The following WDR93 variants were observed in gnomAD, a reference collection of about 807,000 sequenced individuals.
WDR93 encodes WD repeat domain 93, also known as WD repeat-containing protein 93.
In WDR93, 73 loss-of-function variants were observed where a neutral mutation model predicts 82.9. The ratio of observed to expected loss-of-function variants is 0.88; its 90% confidence interval spans 0.73 to 1.07. WDR93 has a LOEUF of 1.07. WDR93 is among the 50% of genes least tolerant of loss of function. The pLI is 0.00. For synonymous variants in WDR93, 283 were observed against 300.1 expected, an observed-to-expected ratio of 0.94 and a Z score of 0.59; for missense variants, 738 against 826.0, an observed-to-expected ratio of 0.89 and a Z score of 1.31.
chr15:89,728,039 C>T (rs1254485699), intron 9 of WDR93, among the ~76,000 whole-genome samples: 1 of 151,980 alleles, frequency 6.6e-6, no homozygotes, highest in Non-Finnish European at 1.5e-5. Context: ...CGAGATCACG[C>T]CACTGCACTG....
At chr15:89,710,706 T>A (rs1965936925) in intron 4 of WDR93, among the ~76,000 whole-genome samples, 1 of 152,166 alleles carries the variant, frequency 6.6e-6, no homozygotes, top group Non-Finnish European at 1.5e-5. Flanking sequence ...GTACTGTTGG[T>A]GGATTAAAAC....
intron 1 of WDR93, among the ~76,000 whole-genome samples, chr15:89,697,427 G>T (rs1475390198): frequency 6.6e-6 from 1 of 152,062 alleles, no homozygotes; most frequent in African/African-American, 2.4e-5. Flanking sequence ...ATATTTTGAG[G>T]TCTTGTATAC....
chr15:89,731,291 A>G lies in WDR93; in HGVS notation c.1211-152A>G, dbSNP rs538669077. ...TCCTAGGCAAGGAGAATAGCACTTC[A>G]TAAAGAGAAGGATGATGGTGAGTCC... is the stretch of plus-strand genomic sequence containing the variant. On this transcript the variant is annotated intron_variant, in intron 11 of 16. Transcript: ENST00000268130. 39 of 1,105,318 alleles carry G rather than the reference A, an allele frequency of 3.5e-5. No homozygotes were observed. In the African/African-American group the frequency reaches 5.5e-4, roughly 15 times the overall value. 68.5% of individuals were successfully genotyped at this position (1,105,318 alleles called of 1,614,324 possible).
In WDR93 at chr15:89,737,671, G is replaced by A. The variant is rs1207747705; in HGVS notation, c.1707G>A (p.Glu569=). ...CCCCTCCGGGAGCCTTTCCTCTGGAGGTCCCCTGGAAGCCAGTGTTTGCTG... is the reference window on the plus strand; with the variant it reads ...CCCCTCCGGGAGCCTTTCCTCTGGAAGTCCCCTGGAAGCCAGTGTTTGCTG... The part of the protein sequence containing the change: ...AFAPPGAFPL[E]VPWKPVFAVS... The change falls in exon 15 of 17, where the codon GAG becomes GAA. Residue 569 remains glutamate (E), a synonymous_variant. Coordinates refer to ENST00000268130, the MANE Select transcript of WDR93 (RefSeq NM_020212.2). 8 of 1,614,096 alleles carry A rather than the reference G, an allele frequency of 5.0e-6. No individual in the cohort carries two copies. The highest frequency in any genetic ancestry group is 5.9e-6 in the Non-Finnish European group (7 of 1,180,048).
intron 16 of WDR93, among the ~76,000 whole-genome samples, chr15:89,739,034 T>C (rs1967438823): frequency 6.6e-6 from 1 of 151,460 alleles, no homozygotes; most frequent in East Asian, 1.9e-4. Flanking sequence ...GAGAATTGCT[T>C]GAACCTGGGA....
intron 1 of WDR93, among the ~76,000 whole-genome samples, chr15:89,696,666 T>C (rs1426703891): frequency 6.6e-6 from 1 of 152,010 alleles, no homozygotes. Context: ...AGCTAATTTT[T>C]GTATTTTTTG....
At chr15:89,740,253 C>A (rs1967550282) in intron 16 of WDR93, among the ~76,000 whole-genome samples, 1 of 152,200 alleles carries the variant, frequency 6.6e-6, no homozygotes, top group Non-Finnish European at 1.5e-5. Context: ...ACCATAGCTC[C>A]TCTCCGCTTC....
In WDR93 at chr15:89,731,490, C is replaced by T. The variant is rs1320982108; in HGVS notation, c.1258C>T (p.Leu420Phe). Residue 420 changes from leucine to phenylalanine, a missense_variant, in exon 12 of 17, where the codon CTC becomes TTC. By Grantham distance (22) the Leu-to-Phe change is conservative. Coordinates refer to ENST00000268130, the MANE Select transcript of WDR93 (RefSeq NM_020212.2). ...PCAAPIAVSQ[L>F]SCSSSYLVLA... ...TGCTGCGCCCATTGCAGTCTCTCAG[C>T]TCAGCTGCTCCTCCTCCTACCTGGT... 1 of 1,614,200 alleles carries T rather than the reference C, an allele frequency of 6.2e-7. No homozygotes were observed. The highest frequency in any genetic ancestry group is 2.2e-5 in the East Asian group (1 of 44,886).
rs1965442340 is a variant in WDR93, at chr15:89,701,147, A to G, written c.-40-560A>G. Among the ~76,000 whole-genome samples the G allele has an allele frequency of 2.0e-5, 3 of 152,242 alleles. No individual in the cohort carries two copies. The East Asian group carries it at 5.8e-4, about 29-fold the overall frequency. On this transcript the variant is annotated intron_variant, in intron 1 of 16. Coordinates refer to ENST00000268130, the MANE Select transcript of WDR93 (RefSeq NM_020212.2). ...CTTATTTTGGTCAATTCTTTTTTTA[A>G]TGTCTCAAACATTTCTGGAGGCTCT...
intron 16 of WDR93, among the ~76,000 whole-genome samples, chr15:89,742,173 C>T (rs78599324): frequency 5.3e-5 from 8 of 152,088 alleles, no homozygotes; most frequent in South Asian, 2.1e-4. Context: ...GATCACTTGA[C>T]GCCAGGAGTT....
At chr15:89,708,814 G>T (rs554159859) in intron 4 of WDR93, among the ~76,000 whole-genome samples, 1 of 152,206 alleles carries the variant, frequency 6.6e-6, no homozygotes, top group Non-Finnish European at 1.5e-5. Context: ...AATGCTGTCC[G>T]CATTGTAGGG....
chr15:89,705,436 G>A (rs1965683978), intron 3 of WDR93, 118 bp from the exon 4 acceptor site: 1 of 708,812 alleles, frequency 1.4e-6, no homozygotes, highest in South Asian at 1.5e-5. Context: ...GGGCTGGGAA[G>A]GAGGCCTAAG....
chr15:89,692,208 C>T (rs1964927312), intron 1 of WDR93, among the ~76,000 whole-genome samples: 1 of 152,156 alleles, frequency 6.6e-6, no homozygotes, highest in Non-Finnish European at 1.5e-5. Flanking sequence ...CTGGGTCTGC[C>T]CTCAGGTGAA....
intron 5 of WDR93, among the ~76,000 whole-genome samples, chr15:89,712,556 T>C (rs1019573696): frequency 6.6e-6 from 1 of 152,106 alleles, no homozygotes; most frequent in African/African-American, 2.4e-5. Flanking sequence ...TTTTGTAGAA[T>C]GTCCCTCAAT....
chr15:89,696,498 T>A (rs28803582), intron 1 of WDR93, among the ~76,000 whole-genome samples: 66,174 of 151,564 alleles, frequency 0.44, 14,889 homozygotes, highest in African/African-American at 0.5. Flanking sequence ...GTGGTGGTGG[T>A]GGTTGTTTTT....
rs551278044 is a variant in WDR93, at chr15:89,728,922, C to T, written c.1053-101C>T. The T allele has an allele frequency of 8.9e-6, 9 of 1,012,442 alleles. No individual in the cohort carries two copies. In the African/African-American group the frequency reaches 1.3e-4, roughly 14 times the overall value. 62.7% of individuals were successfully genotyped at this position (1,012,442 alleles called of 1,614,324 possible). The stretch of plus-strand genomic sequence containing the variant: ...TGGCCTTCTTACCCCTGGGAAGGTC[C>T]ATTCTAACTATCTATTCTGGTTTTA... On this transcript the variant is annotated intron_variant, in intron 9 of 16. Transcript: ENST00000268130.
intron 15 of WDR93, 73 bp downstream of exon 15, chr15:89,737,802 C>A: frequency 6.3e-7 from 1 of 1,580,508 alleles, no homozygotes; most frequent in Non-Finnish European, 8.6e-7. Context: ...CAGAGAGAGC[C>A]CCTCCGATCT....
chr15:89,694,137 G>T (rs992764426), intron 1 of WDR93, among the ~76,000 whole-genome samples: 2 of 151,828 alleles, frequency 1.3e-5, no homozygotes, highest in Non-Finnish European at 2.9e-5. Context: ...TTTCACAAAT[G>T]ACTAATGATG....
chr15:89,737,978 G>A (rs774169720), intron 15 of WDR93, 63 bp from the exon 16 acceptor site: 47 of 1,522,772 alleles, frequency 3.1e-5, no homozygotes, highest in Non-Finnish European at 4.2e-5. Flanking sequence ...TGCTCACCTG[G>A]ACCACAGAGC....
Sources: allele counts gnomAD v4.1 joint callset (sites outside exome capture counted in the v4.1 genomes callset), GRCh38; gene constraint gnomAD v4.1.1; transcripts MANE v1.5; gene names NCBI Gene and HGNC (gene_info 2026-07-23, HGNC 2026-07-21).